Variants in PRKG1 observed in about 807,000 individuals in gnomAD.
PRKG1 encodes the protein protein kinase cGMP-dependent 1.
PRKG1 carries 35 observed loss-of-function variants against 88.1 expected under a neutral mutation model. That is an observed-to-expected ratio of 0.40 (90% CI 0.30 to 0.53). The LOEUF (loss-of-function observed/expected upper bound fraction) is 0.53. PRKG1 is among the 20% of genes least tolerant of loss of function. PRKG1 has a pLI of 0.59. For missense variants in PRKG1, 540 were observed against 839.8 expected (o/e 0.64, Z 4.41); for synonymous variants, 303 against 292.5 (o/e 1.04, Z -0.37).
chr10:51,595,821 T>C (rs1315765894), intron 3 of PRKG1, among the ~76,000 whole-genome samples: 2 of 151,972 alleles, frequency 1.3e-5, no homozygotes, highest in East Asian at 1.9e-4. Context: ...TTAGTACTTA[T>C]GTAATTTTTG....
chr10:51,225,302 C>T (rs911247425), intron 2 of PRKG1, among the ~76,000 whole-genome samples: 3 of 152,040 alleles, frequency 2.0e-5, no homozygotes, highest in Non-Finnish European at 4.4e-5. Context: ...AGGGATCTAC[C>T]CTTACTTATG....
intron 1 of PRKG1, among the ~76,000 whole-genome samples, chr10:51,147,135 G>A (rs188445499): frequency 5.9e-4 from 90 of 152,232 alleles, no homozygotes; most frequent in African/African-American, 1.3e-3. Context: ...GCTGCAAAGA[G>A]TAGGGATGAG....
At chr10:51,417,122 A>G (rs1354647838) in intron 2 of PRKG1, among the ~76,000 whole-genome samples, 1 of 152,174 alleles carries the variant, frequency 6.6e-6, no homozygotes, top group East Asian at 1.9e-4. Flanking sequence ...TGTTTCAATA[A>G]TCTTGTTTCT....
At chr10:51,779,782 C>G (rs188891265) in intron 3 of PRKG1, among the ~76,000 whole-genome samples, 47 of 152,160 alleles carry the variant, frequency 3.1e-4, no homozygotes, top group Admixed American at 2.1e-3. Context: ...TTTTAAGGAG[C>G]GACTGGTGAC....
chr10:51,892,537 G>C (rs1841747875), intron 4 of PRKG1, among the ~76,000 whole-genome samples: 1 of 152,172 alleles, frequency 6.6e-6, no homozygotes, highest in Non-Finnish European at 1.5e-5. Flanking sequence ...TGGGAGATGA[G>C]AGGTTGAGCA....
intron 7 of PRKG1, among the ~76,000 whole-genome samples, chr10:52,107,651 C>A (rs888441901): frequency 7.9e-5 from 12 of 152,134 alleles, no homozygotes; most frequent in African/African-American, 2.7e-4. Flanking sequence ...TCTAAAAGAT[C>A]TTAAAAAGAA....
chr10:51,650,405 G>A (rs917198746), intron 3 of PRKG1, among the ~76,000 whole-genome samples: 9 of 152,028 alleles, frequency 5.9e-5, no homozygotes, highest in Non-Finnish European at 1.3e-4. Context: ...ACTAAGCATA[G>A]TATCTTTTCA....
intron 7 of PRKG1, among the ~76,000 whole-genome samples, chr10:52,081,044 A>T (rs748356377): frequency 6.6e-6 from 1 of 152,184 alleles, no homozygotes; most frequent in Admixed American, 6.6e-5. Flanking sequence ...CTTCACCCCA[A>T]TAGGTGTTGC....
At chr10:52,279,592 A>C (rs1841953882) in intron 12 of PRKG1, among the ~76,000 whole-genome samples, 1 of 152,148 alleles carries the variant, frequency 6.6e-6, no homozygotes. Flanking sequence ...TTCACTTATG[A>C]ATTTTGTAAA....
intron 1 of PRKG1, among the ~76,000 whole-genome samples, chr10:51,013,854 T>C (rs1467254403): frequency 2.0e-5 from 3 of 152,222 alleles, no homozygotes; most frequent in African/African-American, 4.8e-5. Flanking sequence ...TTTGAGTCCT[T>C]TGGCAATAAT....
At position 51,051,950 on chromosome 10, in the gene PRKG1, C is replaced by T. The variant is rs567424235; in HGVS notation, c.266+60306C>T. On this transcript the variant is annotated intron_variant, in intron 1 of 17. Coordinates refer to the PRKG1 transcript ENST00000401604. ...GGGTAGATTAAGTGATATTAAAATA[C>T]TTTGATAAATAAAAATTGATACTTA... 7.0e-4 allele frequency among the ~76,000 whole-genome samples: 107 copies of T among 152,130 alleles called. 2 individuals are homozygous for T. The highest frequency in any genetic ancestry group is 4.8e-3 in the South Asian group (23 of 4,824).
chr10:51,982,527 C>T (rs1478723776), intron 5 of PRKG1, among the ~76,000 whole-genome samples: 2 of 152,054 alleles, frequency 1.3e-5, no homozygotes, highest in East Asian at 3.9e-4. Flanking sequence ...TTTGATGGTG[C>T]TATAAGGTGG....
chr10:51,216,811 A>C (rs1434082085), intron 2 of PRKG1, among the ~76,000 whole-genome samples: 1 of 152,150 alleles, frequency 6.6e-6, no homozygotes, highest in Non-Finnish European at 1.5e-5. Context: ...TGATTTTTTC[A>C]GGGGGATTTA....
intron 3 of PRKG1, among the ~76,000 whole-genome samples, chr10:51,735,589 T>A (rs1377639223): frequency 6.6e-6 from 1 of 152,066 alleles, no homozygotes; most frequent in Non-Finnish European, 1.5e-5. Flanking sequence ...ATTCCAAGAC[T>A]GTCCTTGGAT....
chr10:52,228,578 C>T (rs1005761133), intron 9 of PRKG1, among the ~76,000 whole-genome samples: 10 of 152,180 alleles, frequency 6.6e-5, no homozygotes, highest in African/African-American at 2.2e-4. Context: ...TTTACCTGAG[C>T]AAACATCTGC....
intron 3 of PRKG1, among the ~76,000 whole-genome samples, chr10:51,642,550 A>G (rs758060036): frequency 1.3e-5 from 2 of 152,158 alleles, no homozygotes; most frequent in African/African-American, 2.4e-5. Flanking sequence ...AGATAACTCA[A>G]GTTTTCAAGA....
intron 3 of PRKG1, among the ~76,000 whole-genome samples, chr10:51,740,419 A>G (rs908153774): frequency 2.6e-5 from 4 of 152,226 alleles, no homozygotes; most frequent in Admixed American, 2.0e-4. Context: ...TTAAATAACA[A>G]AACTATTACA....
intron 2 of PRKG1, among the ~76,000 whole-genome samples, chr10:51,439,350 G>A (rs1839030145): frequency 6.6e-6 from 1 of 151,764 alleles, no homozygotes; most frequent in East Asian, 1.9e-4. Flanking sequence ...TAAAAGATGT[G>A]AACAAGTACT....
chr10:51,427,811 G>C (rs111368082), intron 2 of PRKG1, among the ~76,000 whole-genome samples: 415 of 152,316 alleles, frequency 2.7e-3, no homozygotes, highest in African/African-American at 9.7e-3. Context: ...TTGAGGAGCT[G>C]TGCACTCTAA....
Sources: gnomAD v4.1 joint callset for allele counts (sites outside exome capture counted in the v4.1 genomes callset) on GRCh38, gnomAD v4.1.1 for gene constraint, MANE v1.5 for transcripts, NCBI Gene and HGNC (gene_info 2026-07-23, HGNC 2026-07-21) for gene names.